Variants in MEGF11 observed in about 807,000 individuals in gnomAD.
MEGF11 encodes the protein multiple epidermal growth factor-like domains protein 11.
A neutral mutation model predicts 146.6 loss-of-function variants in MEGF11; 126 were observed. That is an observed-to-expected ratio of 0.86 (90% confidence interval 0.74 to 1.00). The LOEUF is 1.00. Ranked by LOEUF, MEGF11 falls within the 50% of genes least tolerant of loss-of-function variation. The pLI is 0.00. For missense variants in MEGF11, 1,509 were observed against 1,521.2 expected (o/e 0.99, Z 0.13); for synonymous variants, 532 against 583.4 (o/e 0.91, Z 1.27).
chr15:66,144,735 A>G (rs1448507886), intron 1 of MEGF11, among the ~76,000 whole-genome samples: 1 of 152,180 alleles, frequency 6.6e-6, no homozygotes, highest in African/African-American at 2.4e-5. Flanking sequence ...CCTGAGCCCA[A>G]CCATAGACTG....
At chr15:65,926,828 AAAATT>A (rs1335085794) in intron 13 of MEGF11, among the ~76,000 whole-genome samples, 1 of 152,236 alleles carries the variant, frequency 6.6e-6, no homozygotes, top group Admixed American at 6.5e-5. Flanking sequence ...AAGGCAATGA[AAAATT>A]AAAGTTGATT....
At chr15:66,028,192 G>T (rs2083401324) in intron 5 of MEGF11, among the ~76,000 whole-genome samples, 1 of 152,200 alleles carries the variant, frequency 6.6e-6, no homozygotes, top group Non-Finnish European at 1.5e-5. Context: ...CAAGCTTGAG[G>T]ACTGGGACCT....
At chr15:65,948,655 G>A (rs2080284509) in intron 10 of MEGF11, among the ~76,000 whole-genome samples, 1 of 152,138 alleles carries the variant, frequency 6.6e-6, no homozygotes, top group Admixed American at 6.5e-5. Flanking sequence ...CATTCGCTAC[G>A]TGCCAGGCTT....
At chr15:66,031,454 G>A (rs755995405) in intron 5 of MEGF11, among the ~76,000 whole-genome samples, 19 of 152,210 alleles carry the variant, frequency 1.2e-4, no homozygotes, top group Non-Finnish European at 1.9e-4. Flanking sequence ...CTCTCCCATG[G>A]AGGCCGGGCT....
chr15:65,960,708 G>A (rs1041934525), intron 9 of MEGF11, among the ~76,000 whole-genome samples: 1 of 152,230 alleles, frequency 6.6e-6, no homozygotes, highest in Non-Finnish European at 1.5e-5. Flanking sequence ...TGCTTCTGCT[G>A]TCTCTGCCTA....
chr15:65,982,594 C>G lies in MEGF11; in HGVS notation c.395-106G>C. 7.5e-7 allele frequency: 1 copy of G among 1,325,520 alleles called. No homozygotes were observed. The highest frequency in any genetic ancestry group is 1.7e-5 in the South Asian group (1 of 57,586). 82.1% of individuals were successfully genotyped at this position (1,325,520 alleles called of 1,614,324 possible). ...GCCTTCCCATCTTTGCAGCGCTGCT[C>G]CCCGGACAGGTGGCAGCAAGGGGTG... On this transcript the variant is annotated intron_variant, in intron 5 of 25. Transcript: ENST00000395614. This position sits in a 1 kb window ranked among gnomAD's most constrained non-coding sequence, Gnocchi z 5.6.
intron 5 of MEGF11, among the ~76,000 whole-genome samples, chr15:65,987,890 T>C (rs2081918818): frequency 6.6e-6 from 1 of 152,020 alleles, no homozygotes; most frequent in Non-Finnish European, 1.5e-5. Context: ...TTTGTATTTT[T>C]AGTACAGATG....
At chr15:65,942,384 T>G (rs376080793) in intron 10 of MEGF11, among the ~76,000 whole-genome samples, 4 of 152,218 alleles carry the variant, frequency 2.6e-5, no homozygotes, top group Non-Finnish European at 5.9e-5. Flanking sequence ...CATTTGTATC[T>G]TATGTTGTTA....
At chr15:65,915,336 ACC>A in intron 19 of MEGF11, 132 bp downstream of exon 19, 1 of 1,221,294 alleles carries the variant, frequency 8.2e-7, no homozygotes, top group Non-Finnish European at 1.1e-6. Context: ...TCTGCAGCCC[ACC>A]CTATTCCTGC....
chr15:66,096,829 C>T (rs2086574910), intron 4 of MEGF11, among the ~76,000 whole-genome samples: 1 of 152,182 alleles, frequency 6.6e-6, no homozygotes, highest in Non-Finnish European at 1.5e-5. Flanking sequence ...GGGGGAACAG[C>T]CTTCCGGTGC....
chr15:65,923,588 C>T (rs2079252931), intron 13 of MEGF11, among the ~76,000 whole-genome samples: 1 of 152,166 alleles, frequency 6.6e-6, no homozygotes, highest in Admixed American at 6.5e-5. Context: ...CAGTACTTTG[C>T]AAAAATTACA....
chr15:65,935,322 GAAAAAAAAAAAAAAAAAAAAAAAAAAA>G (rs71139449), intron 10 of MEGF11, among the ~76,000 whole-genome samples: 8 of 35,206 alleles, frequency 2.3e-4, no homozygotes, highest in Middle Eastern at 0.015. Flanking sequence ...TCCGTCTCAA[GAAAAAAAAAAAAAAAAAAAAAAAAAAA>G]AAAAAAAAAA....
chr15:66,141,990 T>C (rs1443287332), intron 1 of MEGF11, among the ~76,000 whole-genome samples: 1 of 151,872 alleles, frequency 6.6e-6, no homozygotes, highest in African/African-American at 2.4e-5. Flanking sequence ...CGGCAATAAC[T>C]GGCAAGAGAT....
chr15:66,060,421 C>T lies in MEGF11; in HGVS notation c.394+33981G>A, dbSNP rs959331388. Among the ~76,000 whole-genome samples the T allele has an allele frequency of 8.5e-5, 13 of 152,374 alleles. No individual in the cohort carries two copies. In the East Asian group the frequency reaches 2.3e-3, roughly 27 times the overall value. ...GAACTAGCTCAGTACCCAGCTACTG[C>T]TGCTCTAAGCTGCTGCCCACCATTG... On this transcript the variant is annotated intron_variant, in intron 5 of 25. Transcript: ENST00000395614.
At chr15:66,042,759 C>T (rs333597) in intron 5 of MEGF11, among the ~76,000 whole-genome samples, 12,237 of 152,210 alleles carry the variant, frequency 0.08, 561 homozygotes, top group Middle Eastern at 0.11. Flanking sequence ...CTGCAGGCTC[C>T]GCTTTGGCCA....
chr15:66,104,262 T>A (rs1195286572), intron 4 of MEGF11, among the ~76,000 whole-genome samples: 1 of 152,174 alleles, frequency 6.6e-6, no homozygotes, highest in African/African-American at 2.4e-5. Context: ...CACTGTTAGC[T>A]CACCTTTCCC....
chr15:65,996,144 C>T (rs1011323197), intron 5 of MEGF11, among the ~76,000 whole-genome samples: 6 of 152,082 alleles, frequency 3.9e-5, no homozygotes, highest in Admixed American at 6.5e-5. Flanking sequence ...CCCTCTTTGG[C>T]GTTTAGTTTT....
chr15:66,091,708 A>G (rs2086330440), intron 5 of MEGF11, among the ~76,000 whole-genome samples: 1 of 152,220 alleles, frequency 6.6e-6, no homozygotes, highest in South Asian at 2.1e-4. Flanking sequence ...GTAAAATTCA[A>G]TATATAGTAG....
intron 2 of MEGF11, among the ~76,000 whole-genome samples, chr15:66,125,653 G>A (rs545394720): frequency 8.5e-5 from 13 of 152,216 alleles, no homozygotes; most frequent in Admixed American, 5.9e-4. Flanking sequence ...AAAATAAAAC[G>A]AGATACACTA....
Sources: allele counts gnomAD v4.1 joint callset (sites outside exome capture counted in the v4.1 genomes callset), GRCh38; gene constraint gnomAD v4.1.1; non-coding constraint Gnocchi (gnomAD v3.1); transcripts MANE v1.5; gene names NCBI Gene and HGNC (gene_info 2026-07-23, HGNC 2026-07-21).